AP2A1: variants seen among roughly 807,000 people sequenced by gnomAD.
AP2A1 encodes AP-2 complex subunit alpha-1.
AP2A1 carries 21 observed loss-of-function variants against 107.3 expected under a neutral mutation model. The ratio of observed to expected loss-of-function variants is 0.20; its 90% CI spans 0.14 to 0.28. The LOEUF is 0.28. AP2A1 is among the 10% of genes least tolerant of loss of function. The pLI is 1.00. For missense variants in AP2A1, 873 were observed against 1,307.7 expected (o/e 0.67, Z 5.13); for synonymous variants, 602 against 564.8 (o/e 1.07, Z -0.93).
At chr19:49,784,968 A>G (rs1465176439) in intron 4 of AP2A1, among the ~76,000 whole-genome samples, 1 of 152,364 alleles carries the variant, frequency 6.6e-6, no homozygotes. Flanking sequence ...CAAAGCCAGA[A>G]TTAGTGGCCT....
At chr19:49,801,178 C>A (rs529012383) in intron 12 of AP2A1, 120 bp downstream of exon 12, 2 of 1,076,974 alleles carry the variant, frequency 1.9e-6, no homozygotes, top group East Asian at 2.6e-5. Flanking sequence ...GGCCTCCACC[C>A]CAATCCACCT....
In AP2A1 at chr19:49,801,634, T is replaced by TGG; in HGVS notation, c.1785+13_1785+14insGG. On this transcript the variant is annotated intron_variant, in intron 13 of 22. Transcript: ENST00000354293. Reference sequence around the variant, plus strand: ...CACCGACGTCCTGGTCAGAGCCCTGTCCCCCCACCCCACCCCTCTTGCACA... The same window carrying TGG: ...CACCGACGTCCTGGTCAGAGCCCTGTGGCCCCCCACCCCACCCCTCTTGCACA... The TGG allele has an allele frequency of 1.3e-6, 2 of 1,482,186 alleles. No individual in the cohort carries two copies. The highest frequency in any genetic ancestry group is 1.9e-6 in the Non-Finnish European group (2 of 1,076,852). The allele number at this position is 1,482,186 out of a possible 1,614,324, so 91.8% of individuals were successfully genotyped here. A position where few individuals can be genotyped will look rare whatever the true frequency, so the allele number is the denominator to read the frequency against.
At chr19:49,798,439 C>T (rs1473259963) in intron 7 of AP2A1, among the ~76,000 whole-genome samples, 3 of 152,152 alleles carry the variant, frequency 2.0e-5, no homozygotes, top group Non-Finnish European at 4.4e-5. Context: ...TTGGGGGCAC[C>T]TCTGGGGAAG....
rs149504055 is a variant in AP2A1 at position 49,799,959 on chromosome 19, C to G, written c.1273-9C>G. ...GCGGCACACTCTCTCTCACACGCCC[C>G]GGCGGCAGGTCCTGAAGGTGGCCAT... is the stretch of plus-strand genomic sequence containing the variant. On this transcript the variant is annotated splice_polypyrimidine_tract_variant and intron_variant, in intron 10 of 22. Coordinates refer to ENST00000354293, the MANE Select transcript of AP2A1 (RefSeq NM_130787.3). The G allele has an allele frequency of 3.7e-6, 6 of 1,611,984 alleles. No individual in the cohort carries two copies. Among genetic ancestry groups the G allele is most frequent in the Non-Finnish European group, 5.1e-6 (6 of 1,178,300 alleles).
Position 49,806,269 on chromosome 19 carries a change from G to T in AP2A1, c.2790+16G>T. On this transcript the variant is annotated intron_variant, in intron 22 of 22. Transcript: ENST00000354293. ...CCAGGCCCAGGTGAGTGCTGCTGTG[G>T]GAGGCCTGAGGCCGGCAGGAAGGCC... 1 of 1,586,548 alleles carries T rather than the reference G, an allele frequency of 6.3e-7. No homozygotes were observed. Among genetic ancestry groups the T allele is most frequent in the South Asian group, 1.1e-5 (1 of 88,066 alleles).
chr19:49,795,814 C>A, intron 7 of AP2A1, 76 bp downstream of exon 7: 1 of 1,115,282 alleles, frequency 9.0e-7, no homozygotes, highest in Non-Finnish European at 1.3e-6. Flanking sequence ...CCACGGCGCA[C>A]CAGGTGGGAC....
chr19:49,793,607 A>G (rs750653349), intron 6 of AP2A1, among the ~76,000 whole-genome samples: 14 of 152,286 alleles, frequency 9.2e-5, no homozygotes, highest in Middle Eastern at 3.4e-3. Flanking sequence ...CCAGGGACAC[A>G]GATGAGTCAG....
chr19:49,795,822 G>T (rs1568584177), intron 7 of AP2A1, 84 bp downstream of exon 7: 1 of 1,056,856 alleles, frequency 9.5e-7, no homozygotes, highest in East Asian at 2.6e-5. Context: ...CACCAGGTGG[G>T]ACTGGAGGGT....
chr19:49,781,882 T>C, intron 2 of AP2A1, 57 bp downstream of exon 2: 1 of 1,607,890 alleles, frequency 6.2e-7, no homozygotes, highest in Non-Finnish European at 8.5e-7. Context: ...GAGCTGGGGC[T>C]CCTGTGACCT....
chr19:49,806,142 C>T lies in AP2A1; in HGVS notation c.2679C>T (p.Leu893=), dbSNP rs2073377234. ...KAKLLGFGSA[L]LDNVDPNPEN... is the part of the protein sequence containing the mutation. Reference sequence around the variant, plus strand: ...AGCTTCTGGGGTTTGGCTCTGCTCTCCTGGACAATGTGGACCCCAACCCTG... The same window carrying T: ...AGCTTCTGGGGTTTGGCTCTGCTCTTCTGGACAATGTGGACCCCAACCCTG... Residue 893 remains leucine, a synonymous_variant, in exon 22 of 23, where the codon CTC becomes CTT. Transcript: ENST00000354293. 1 of 1,571,236 alleles carries T rather than the reference C, an allele frequency of 6.4e-7. No individual in the cohort carries two copies. The highest frequency in any genetic ancestry group is 1.4e-5 in the African/African-American group (1 of 73,854).
Position 49,805,838 on chromosome 19 carries a change from C to G in AP2A1, c.2586-34C>G, listed in dbSNP as rs758636772. The G allele has an allele frequency of 1.9e-6, 3 of 1,613,264 alleles. No homozygotes were observed. The South Asian group carries it at 3.3e-5, about 18-fold the overall frequency. On this transcript the variant is annotated intron_variant, in intron 20 of 22. Transcript: ENST00000354293. ...CCTCTGGGTGGGCGGGTCGGGCCGT[C>G]CAGGTCCCTGACTTGAACCTTCCCG...
intron 1 of AP2A1, among the ~76,000 whole-genome samples, chr19:49,780,944 A>G (rs2084668148): frequency 6.6e-6 from 1 of 152,038 alleles, no homozygotes; most frequent in Admixed American, 6.6e-5. Context: ...GGAGGAGAAG[A>G]GGGAACGGTA....
At position 49,806,918 on chromosome 19, in the gene AP2A1, C is replaced by A; in HGVS notation, c.*160C>A. 1 of 1,535,800 alleles carries A rather than the reference C, an allele frequency of 6.5e-7. No individual in the cohort carries two copies. Among genetic ancestry groups the A allele is most frequent in the Non-Finnish European group, 8.7e-7 (1 of 1,146,972 alleles). ...GGCCTTTTGTATTTTTATTTTTGTT[C>A]ATCTGCTGCTGTTTACATTCTGGGG... On this transcript the variant is annotated 3_prime_UTR_variant, in exon 23 of 23. Coordinates refer to ENST00000354293, the MANE Select transcript of AP2A1 (RefSeq NM_130787.3).
chr19:49,780,778 A>G (rs963872356), intron 1 of AP2A1, among the ~76,000 whole-genome samples: 4 of 152,118 alleles, frequency 2.6e-5, no homozygotes, highest in Admixed American at 1.3e-4. Context: ...TGGGAGGCTG[A>G]GGTGGGAGGA....
intron 4 of AP2A1, among the ~76,000 whole-genome samples, chr19:49,787,741 T>C (rs569336632): frequency 4.6e-5 from 7 of 152,110 alleles, no homozygotes; most frequent in Non-Finnish European, 8.8e-5. Flanking sequence ...AGAACACTCA[T>C]TGCTCCAAAA....
intron 1 of AP2A1, among the ~76,000 whole-genome samples, chr19:49,775,523 C>T (rs147472672): frequency 1.6e-4 from 25 of 152,252 alleles, no homozygotes; most frequent in Admixed American, 5.9e-4. Flanking sequence ...CCATGTTGGC[C>T]AGGCTGGTCC....
rs749824790 is a variant in AP2A1 at position 49,805,751 on chromosome 19, C to T, written c.2559C>T (p.Phe853=). 3.1e-6 allele frequency: 5 copies of T among 1,587,676 alleles called. No homozygotes were observed. The highest frequency in any genetic ancestry group is 4.3e-6 in the Non-Finnish European group (5 of 1,168,486). ...CCACCGAGATGGCGGCCCAGGATTTCTTCCAGCGCTGGAAGCAGCTGAGCC... is the reference window on the plus strand; with the variant it reads ...CCACCGAGATGGCGGCCCAGGATTTTTTCCAGCGCTGGAAGCAGCTGAGCC... ...FQPTEMAAQD[F]FQRWKQLSLP... is the part of the protein sequence containing the mutation. The change falls in exon 20 of 23, where the codon TTC becomes TTT. Residue 853 remains phenylalanine, a synonymous_variant. Coordinates refer to ENST00000354293, the MANE Select transcript of AP2A1 (RefSeq NM_130787.3).
At position 49,772,388 on chromosome 19, in the gene AP2A1, G is replaced by A. The variant is rs145831454; in HGVS notation, c.67+5188G>A. 4.1e-3 allele frequency among the ~76,000 whole-genome samples: 612 copies of A among 150,792 alleles called. 4 individuals are homozygous for A. Among genetic ancestry groups the A allele is most frequent in the African/African-American group, 0.013 (553 of 41,038 alleles). On this transcript the variant is annotated intron_variant, in intron 1 of 22. Coordinates refer to ENST00000354293, the MANE Select transcript of AP2A1 (RefSeq NM_130787.3). ...AGATGGGTTTTTATTATGTTGCCCG[G>A]GCTGGTCTCAAATTCCTGGGCTCAA...
intron 4 of AP2A1, 108 bp from the exon 5 acceptor site, chr19:49,791,827 T>G: frequency 7.0e-7 from 1 of 1,426,514 alleles, no homozygotes; most frequent in Non-Finnish European, 9.4e-7. Context: ...TGTCTGTCCC[T>G]CTCGCTGGCC....
Sources: gnomAD v4.1 joint callset for allele counts (sites outside exome capture counted in the v4.1 genomes callset) on GRCh38, gnomAD v4.1.1 for gene constraint, MANE v1.5 for transcripts, NCBI Gene and HGNC (gene_info 2026-07-23, HGNC 2026-07-21) for gene names.